Variants in ZNF723 observed in about 807,000 individuals in gnomAD.
ZNF723 encodes the protein zinc finger protein 723, pseudogene.
ZNF723 carries 5 observed loss-of-function variants against 9.4 expected under a neutral mutation model. That is an observed-to-expected ratio of 0.53 (90% CI 0.28 to 1.12). The LOEUF is 1.12. ZNF723 is among the 50% of genes most tolerant of loss of function. The probability of loss-of-function intolerance (pLI) is 0.10; values close to 1 mark genes in which losing one functional copy is unlikely to be tolerated. For synonymous variants in ZNF723, 158 were observed against 168.8 expected (o/e 0.94, Z 0.49); for missense variants, 450 against 501.5 (o/e 0.90, Z 0.98).
At chr19:22,814,026 G>C in the ZNF723 span, among the ~76,000 whole-genome samples, 1 of 151,840 alleles carries the variant, frequency 6.6e-6, no homozygotes, top group South Asian at 2.1e-4. Context: ...TGGCCAGTCT[G>C]GTCTTGTGAT....
chr19:22,845,388 G>T (rs191684893), intron 1 of ZNF723, among the ~76,000 whole-genome samples: 302 of 152,132 alleles, frequency 2.0e-3, no homozygotes, highest in African/African-American at 6.6e-3. Flanking sequence ...CTTTCCACGG[G>T]TTCTTTTTAT....
At chr19:22,830,599 A>G (rs916786066), upstream of ZNF723, among the ~76,000 whole-genome samples, 1 of 152,046 alleles carries the variant, frequency 6.6e-6, no homozygotes, top group Non-Finnish European at 1.5e-5. Flanking sequence ...AGCCCCATCT[A>G]TGGGGCAGCA....
chr19:22,857,285 G>A lies in ZNF723; in HGVS notation c.394G>A (p.Glu132Lys), dbSNP rs1967492520. Residue 132 changes from glutamate to lysine, a missense_variant, in exon 4 of 4, where the codon GAA (glutamate) becomes AAA (lysine). Physicochemically the swap from Glu to Lys is moderately conservative, Grantham distance 56. Coordinates refer to ENST00000600766, the MANE Select transcript of ZNF723 (RefSeq NM_001349726.2). ...TAAGATGCACAAAGGAGGTTATGATGAACTTAAGCAATGTTTGACAACTAC... is the reference window on the plus strand; with the variant it reads ...TAAGATGCACAAAGGAGGTTATGATAAACTTAAGCAATGTTTGACAACTAC... ...ECKMHKGGYDELKQCLTTTPS... is the reference protein window; with the variant it reads ...ECKMHKGGYDKLKQCLTTTPS... 2.5e-6 allele frequency: 2 copies of A among 814,264 alleles called. No homozygotes were observed. Among genetic ancestry groups the A allele is most frequent in the South Asian group, 2.7e-5 (2 of 73,538 alleles). The allele number at this position is 814,264 out of a possible 1,614,324, so 50.4% of individuals were successfully genotyped here.
chr19:22,828,181 T>C (rs940841604), upstream of ZNF723, among the ~76,000 whole-genome samples: 3 of 152,178 alleles, frequency 2.0e-5, no homozygotes, highest in African/African-American at 7.2e-5. Context: ...TTAAATAGTC[T>C]CTTGTTGACT....
chr19:22,851,471 C>G (rs1967394850), intron 3 of ZNF723, among the ~76,000 whole-genome samples: 1 of 151,828 alleles, frequency 6.6e-6, no homozygotes, highest in Non-Finnish European at 1.5e-5. Flanking sequence ...CGCGCCCAGC[C>G]TATATACATT....
At chr19:22,814,271 T>C in the ZNF723 span, among the ~76,000 whole-genome samples, 1 of 152,190 alleles carries the variant, frequency 6.6e-6, no homozygotes, top group Non-Finnish European at 1.5e-5. Context: ...GTAACTCTCA[T>C]TCAAACTGTA....
chr19:22,840,107 A>G (rs867973841), intron 1 of ZNF723, among the ~76,000 whole-genome samples: 1 of 151,856 alleles, frequency 6.6e-6, no homozygotes, highest in Non-Finnish European at 1.5e-5. Flanking sequence ...GCTGTGAAGA[A>G]GCTCTTTGGT....
At position 22,857,772 on chromosome 19, in the gene ZNF723, T is replaced by C; in HGVS notation, c.881T>C (p.Phe294Ser). 7.6e-7 allele frequency: 1 copy of C among 1,312,326 alleles called. No individual in the cohort carries two copies. Among genetic ancestry groups the C allele is most frequent in the Non-Finnish European group, 1.1e-6 (1 of 905,612 alleles). 81.3% of individuals were successfully genotyped at this position (1,312,326 alleles called of 1,614,324 possible). A position where few individuals can be genotyped will look rare whatever the true frequency, so the allele number is the denominator to read the frequency against. The change falls in exon 4 of 4, where the codon TTT (phenylalanine) becomes TCT (serine). Residue 294 changes from phenylalanine to serine, a missense_variant. Physicochemically the swap from Phe to Ser is radical, Grantham distance 155. Coordinates refer to ENST00000600766, the MANE Select transcript of ZNF723 (RefSeq NM_001349726.2). ...AAATGTAAAGAATGTGGCAAAGCCT[T>C]TAATGTGTTCTCAAGCCTTAATAAT... ...PYKCKECGKA[F>S]NVFSSLNNHK...
At chr19:22,827,175 TA>T in the ZNF723 span, among the ~76,000 whole-genome samples, 3 of 152,240 alleles carry the variant, frequency 2.0e-5, no homozygotes, top group African/African-American at 7.2e-5. Flanking sequence ...ATGTTCTAAC[TA>T]AAGTTGTGCT....
rs567315679 is a variant in ZNF723, at chr19:22,834,105, G to A, written c.3+1723G>A. 4.7e-4 allele frequency among the ~76,000 whole-genome samples: 71 copies of A among 150,710 alleles called. 1 individual carries two copies. The highest frequency in any genetic ancestry group is 3.5e-3 in the Middle Eastern group (1 of 282). On this transcript the variant is annotated intron_variant, in intron 1 of 3. Coordinates refer to ENST00000600766, the MANE Select transcript of ZNF723 (RefSeq NM_001349726.2). ...TAATTTTTGTATTTTTAGTGGAGAC[G>A]GGGTTTCACCATGTTGGCCAGGCTG...
At chr19:22,843,737 G>C (rs1011258857) in intron 1 of ZNF723, among the ~76,000 whole-genome samples, 10 of 152,120 alleles carry the variant, frequency 6.6e-5, no homozygotes, top group African/African-American at 2.4e-4. Context: ...GAACAGAAGA[G>C]TTGTTATTAT....
intron 1 of ZNF723, among the ~76,000 whole-genome samples, chr19:22,844,017 G>A (rs1967278891): frequency 6.6e-6 from 1 of 152,118 alleles, no homozygotes; most frequent in South Asian, 2.1e-4. Flanking sequence ...CACTCTATTT[G>A]GGGTCTTGTT....
intron 1 of ZNF723, among the ~76,000 whole-genome samples, chr19:22,838,060 A>G (rs1967190176): frequency 6.6e-6 from 1 of 152,180 alleles, no homozygotes; most frequent in Non-Finnish European, 1.5e-5. Context: ...GTACACGTGC[A>G]GGTTTACTAT....
rs1967345224 is a variant in ZNF723, at chr19:22,848,451, A to G, written c.130+64A>G. ...AATGTTTCTTTTTTTGGTGTTGTAG[A>G]ATGTTTTTTGGTAATTGATGCTTTG... is the stretch of plus-strand genomic sequence containing the variant. On this transcript the variant is annotated intron_variant, in intron 2 of 3. Coordinates refer to ENST00000600766, the MANE Select transcript of ZNF723 (RefSeq NM_001349726.2). The G allele has an allele frequency of 3.3e-6, 4 of 1,215,312 alleles. No individual in the cohort carries two copies. In the East Asian group the frequency reaches 1.0e-4, roughly 30 times the overall value. 75.3% of individuals were successfully genotyped at this position (1,215,312 alleles called of 1,614,324 possible).
In ZNF723 at chr19:22,857,957, AT is replaced by A; in HGVS notation, c.1068del (p.Thr357LeufsTer61). The A allele has an allele frequency of 6.6e-7, 1 of 1,507,602 alleles. No individual in the cohort carries two copies. Among genetic ancestry groups the A allele is most frequent in the Non-Finnish European group, 9.2e-7 (1 of 1,090,436 alleles). The allele number at this position is 1,507,602 out of a possible 1,614,324, so 93.4% of individuals were successfully genotyped here. On this transcript the variant is annotated frameshift_variant, in exon 4 of 4. Transcript: ENST00000600766. LOFTEE classifies it low-confidence loss of function (END_TRUNC). ...CGKAFSQSSH[I>X]TTHKRIHTGE... is the part of the protein sequence containing the mutation. ...CAAAGCATTCAGCCAGTCCTCACAC[AT>A]TACTACACATAAGAGAATTCACACT... is the stretch of plus-strand genomic sequence containing the variant.
the ZNF723 span, among the ~76,000 whole-genome samples, chr19:22,821,822 T>C: frequency 6.6e-6 from 1 of 152,202 alleles, no homozygotes; most frequent in Admixed American, 6.5e-5. Flanking sequence ...AATTTATGCA[T>C]AATTGGCCAG....
the ZNF723 span, among the ~76,000 whole-genome samples, chr19:22,823,703 C>G: frequency 2.0e-5 from 3 of 152,148 alleles, no homozygotes; most frequent in Admixed American, 2.0e-4. Context: ...GGAATTGTGA[C>G]ATATACCAAG....
chr19:22,825,224 G>A, the ZNF723 span, among the ~76,000 whole-genome samples: 3 of 152,182 alleles, frequency 2.0e-5, no homozygotes, highest in Non-Finnish European at 2.9e-5. Context: ...CAACATGCCG[G>A]TGAGCCTGTG....
At chr19:22,847,323 CTGCTCTTTCTTAGAGTTTCTTTGCAT>C (rs998495667) in intron 1 of ZNF723, among the ~76,000 whole-genome samples, 2 of 151,574 alleles carry the variant, frequency 1.3e-5, no homozygotes, top group African/African-American at 4.9e-5. Context: ...AATTTGGCAG[CTGCTCTTTCTTAGAGTTTCTTTGCAT>C]ATATCTGTCC....
Sources: gnomAD v4.1 joint callset for allele counts (sites outside exome capture counted in the v4.1 genomes callset) on GRCh38, gnomAD v4.1.1 for gene constraint, MANE v1.5 for transcripts, NCBI Gene and HGNC (gene_info 2026-07-23, HGNC 2026-07-21) for gene names.